The following UBE2R2 variants were observed in gnomAD, a reference collection of about 807,000 sequenced individuals.
UBE2R2 encodes ubiquitin-conjugating enzyme E2 R2.
A neutral mutation model predicts 27.8 loss-of-function variants in UBE2R2; 1 was observed. That is an observed-to-expected ratio of 0.04 (90% CI 0.01 to 0.17). The LOEUF (loss-of-function observed/expected upper bound fraction) is 0.17. UBE2R2 is among the 10% of genes least tolerant of loss of function. The probability of loss-of-function intolerance (pLI) is 1.00; values close to 1 mark genes in which losing one functional copy is unlikely to be tolerated. For missense variants in UBE2R2, 100 were observed against 291.0 expected (o/e 0.34, Z 4.78); for synonymous variants, 106 against 113.3 (o/e 0.94, Z 0.41).
intron 1 of UBE2R2, among the ~76,000 whole-genome samples, chr9:33,827,768 C>A (rs1820347571): frequency 6.6e-6 from 1 of 151,886 alleles, no homozygotes; most frequent in African/African-American, 2.4e-5. Flanking sequence ...ATCAGGAGTT[C>A]AAGACCAGCC....
intron 3 of UBE2R2, 148 bp from the exon 4 acceptor site, chr9:33,911,816 A>G (rs576134921): frequency 5.0e-5 from 36 of 723,548 alleles, no homozygotes; most frequent in African/African-American, 4.0e-4. Context: ...TTATATCTCT[A>G]TTCCCCCAAG....
chr9:33,900,541 T>A (rs952371710), intron 3 of UBE2R2, among the ~76,000 whole-genome samples: 1 of 152,208 alleles, frequency 6.6e-6, no homozygotes, highest in Non-Finnish European at 1.5e-5. Context: ...TTATCCTAGT[T>A]CTACTCTGGT....
At chr9:33,848,974 A>C (rs1430232052) in intron 1 of UBE2R2, among the ~76,000 whole-genome samples, 1 of 151,886 alleles carries the variant, frequency 6.6e-6, no homozygotes, top group African/African-American at 2.4e-5. Context: ...ACTCCTGTTT[A>C]GGCCGGGTGC....
At chr9:33,898,992 A>C (rs944090207) in intron 2 of UBE2R2, among the ~76,000 whole-genome samples, 22 of 152,348 alleles carry the variant, frequency 1.4e-4, no homozygotes, top group Admixed American at 2.6e-4. Context: ...GTGGGAAGTC[A>C]TTCTAACCAT....
chr9:33,902,976 G>A (rs931767510), intron 3 of UBE2R2, among the ~76,000 whole-genome samples: 7 of 152,106 alleles, frequency 4.6e-5, no homozygotes, highest in Non-Finnish European at 8.8e-5. Context: ...GCACCTGCCT[G>A]TAATCCCAGC....
chr9:33,883,213 C>T (rs1821771086), intron 1 of UBE2R2, among the ~76,000 whole-genome samples: 2 of 152,240 alleles, frequency 1.3e-5, no homozygotes, highest in East Asian at 3.9e-4. Flanking sequence ...CCTATGTTTT[C>T]TTTTAAGAAT....
rs964579393 is a variant in UBE2R2 at position 33,879,699 on chromosome 9, C to T, written c.178-7182C>T. Among the ~76,000 whole-genome samples the T allele has an allele frequency of 6.0e-5, 9 of 150,948 alleles. No homozygotes were observed. The East Asian group carries it at 1.7e-3, about 29-fold the overall frequency. On this transcript the variant is annotated intron_variant, in intron 1 of 4. Transcript: ENST00000263228. ...ACTCAAGCAACCTGCCCACCTAGGC[C>T]TCCCAAAGTGCTGGAATTACAGGCA...
At chr9:33,896,721 T>TA (rs1287130956) in intron 2 of UBE2R2, among the ~76,000 whole-genome samples, 4 of 152,036 alleles carry the variant, frequency 2.6e-5, no homozygotes, top group Admixed American at 2.6e-4. Context: ...GTCCTGGGGT[T>TA]ACAGGCGTGA....
chr9:33,815,298 A>T (rs1276547190), upstream of UBE2R2, among the ~76,000 whole-genome samples: 1 of 152,244 alleles, frequency 6.6e-6, no homozygotes, highest in Non-Finnish European at 1.5e-5. Context: ...GGTAAAAATT[A>T]GGGAAGTATG....
intron 1 of UBE2R2, among the ~76,000 whole-genome samples, chr9:33,865,387 G>A (rs10971748): frequency 0.2 from 29,951 of 151,510 alleles, 3,234 homozygotes; most frequent in South Asian, 0.33. Flanking sequence ...TAGTAGAGAC[G>A]GGGTTTCACC....
chr9:33,892,391 TA>T lies in UBE2R2; in HGVS notation c.264+5425del, dbSNP rs201707190. On this transcript the variant is annotated intron_variant, in intron 2 of 4. Coordinates refer to ENST00000263228, the MANE Select transcript of UBE2R2 (RefSeq NM_017811.4). ...TGTTCATTAGTACCTAAACATTTTT[TA>T]TAATAGACATTAATTTTTAGAGCAG... 6.1e-3 allele frequency among the ~76,000 whole-genome samples: 925 copies of T among 152,310 alleles called. 7 individuals carry two copies. The highest frequency in any genetic ancestry group is 0.021 in the African/African-American group (873 of 41,590).
At chr9:33,857,476 A>C (rs1304634499) in intron 1 of UBE2R2, among the ~76,000 whole-genome samples, 1 of 151,630 alleles carries the variant, frequency 6.6e-6, no homozygotes, top group African/African-American at 2.4e-5. Flanking sequence ...GCGCCACCAC[A>C]CCTGGCTAGT....
intron 1 of UBE2R2, among the ~76,000 whole-genome samples, chr9:33,850,746 A>G (rs1484735264): frequency 6.6e-6 from 1 of 152,176 alleles, no homozygotes; most frequent in Non-Finnish European, 1.5e-5. Context: ...TAAGAGTAAC[A>G]TGTGGTGTAA....
In UBE2R2 at chr9:33,912,064, A is replaced by G; in HGVS notation, c.463A>G (p.Lys155Glu). Residue 155 changes from lysine to glutamate, a missense_variant, in exon 4 of 5, where the codon AAA becomes GAA. Coordinates refer to ENST00000263228, the MANE Select transcript of UBE2R2 (RefSeq NM_017811.4). ...SVMFRKWRDSKGKDKEYAEII... is the reference protein window; with the variant it reads ...SVMFRKWRDSEGKDKEYAEII... ...TATGTTCAGGAAATGGAGAGACAGT[A>G]AAGGAAAAGACAAAGAATATGCTGA... 2 of 1,613,564 alleles carry G rather than the reference A, an allele frequency of 1.2e-6. No individual in the cohort carries two copies. Among genetic ancestry groups the G allele is most frequent in the Non-Finnish European group, 1.7e-6 (2 of 1,179,722 alleles).
chr9:33,846,277 C>A (rs1820845110), intron 1 of UBE2R2, among the ~76,000 whole-genome samples: 1 of 152,162 alleles, frequency 6.6e-6, no homozygotes, highest in Admixed American at 6.6e-5. Flanking sequence ...GCCTAGGTAA[C>A]AGCGAAACTC....
At chr9:33,885,559 C>T (rs1004706714) in intron 1 of UBE2R2, among the ~76,000 whole-genome samples, 3 of 152,168 alleles carry the variant, frequency 2.0e-5, no homozygotes, top group East Asian at 1.9e-4. Context: ...AAGGCTTTGG[C>T]GAAATGCCAG....
chr9:33,817,127 C>G (rs1286695171), upstream of UBE2R2, among the ~76,000 whole-genome samples: 1 of 151,660 alleles, frequency 6.6e-6, no homozygotes, highest in African/African-American at 2.4e-5. Flanking sequence ...GCGTGCGCCC[C>G]TCCTCCCTCT....
rs1302898810 is a variant in UBE2R2, at chr9:33,817,319, G to A, written c.-439G>A. Among the ~76,000 whole-genome samples, 1 of 148,530 alleles carries A rather than the reference G, an allele frequency of 6.7e-6. No homozygotes were observed. The highest frequency in any genetic ancestry group is 2.5e-5 in the African/African-American group (1 of 40,130). ...CTGCCCCGCGCGCCCTCCGGCCCCTGCGGCCCCCGAAGAGAACGAGAGGGC... is the reference window on the plus strand; with the variant it reads ...CTGCCCCGCGCGCCCTCCGGCCCCTACGGCCCCCGAAGAGAACGAGAGGGC... On this transcript the variant is annotated 5_prime_UTR_variant, in exon 1 of 5. Coordinates refer to ENST00000263228, the MANE Select transcript of UBE2R2 (RefSeq NM_017811.4).
chr9:33,819,764 A>G (rs1184634210), intron 1 of UBE2R2, among the ~76,000 whole-genome samples: 1 of 151,722 alleles, frequency 6.6e-6, no homozygotes, highest in African/African-American at 2.4e-5. Context: ...TCAGCCTCCC[A>G]AGCTGCTGGG....
Sources: allele counts gnomAD v4.1 joint callset (sites outside exome capture counted in the v4.1 genomes callset), GRCh38; gene constraint gnomAD v4.1.1; transcripts MANE v1.5; gene names NCBI Gene and HGNC (gene_info 2026-07-23, HGNC 2026-07-21).